PRDM10: variants seen among roughly 807,000 people sequenced by gnomAD.
The protein encoded by PRDM10 is PR domain zinc finger protein 10.
Under a neutral mutation model 133.1 loss-of-function variants are expected in PRDM10, and 65 were observed. The ratio of observed to expected loss-of-function variants is 0.49; its 90% CI spans 0.40 to 0.60. PRDM10 has a LOEUF of 0.60. PRDM10 is among the 20% of genes least tolerant of loss of function. The pLI, the probability that PRDM10 is intolerant of heterozygous loss-of-function variation, is 0.00. For missense variants in PRDM10, 1,137 were observed against 1,507.1 expected (o/e 0.75, Z 4.07); for synonymous variants, 582 against 580.4 (o/e 1.00, Z -0.04).
In PRDM10 at chr11:129,937,817, C is replaced by G. The variant is rs921020283; in HGVS notation, c.967-147G>C. ...AAAAAAAGATCATGCTGTGAGCTCC[C>G]CTTGCAATACCTTTCCAGCAGATCA... On this transcript the variant is annotated intron_variant, in intron 7 of 20. Transcript: ENST00000360871. 3 of 600,088 alleles carry G rather than the reference C, an allele frequency of 5.0e-6. No individual in the cohort carries two copies. The East Asian group carries it at 9.0e-5, about 18-fold the overall frequency. The allele number at this position is 600,088 out of a possible 1,614,324, so 37.2% of individuals were successfully genotyped here.
At chr11:129,948,184 G>A in intron 4 of PRDM10, 1 of 428,582 alleles carries the variant, frequency 2.3e-6, no homozygotes, top group Admixed American at 2.6e-5. Context: ...AAATAAAAAT[G>A]GTACCTTAAA....
intron 4 of PRDM10, among the ~76,000 whole-genome samples, chr11:129,953,077 G>T (rs527753774): frequency 6.6e-6 from 1 of 151,850 alleles, no homozygotes; most frequent in African/African-American, 2.4e-5. Flanking sequence ...AGGTTCAAGC[G>T]ATTCTCCTGC....
intron 1 of PRDM10, among the ~76,000 whole-genome samples, chr11:129,986,454 T>G (rs1050543499): frequency 2.6e-5 from 4 of 152,180 alleles, no homozygotes; most frequent in Non-Finnish European, 5.9e-5. Context: ...AGTGACACAG[T>G]CTTGGCTCAC....
chr11:129,925,187 G>C lies in PRDM10; in HGVS notation c.1573C>G (p.Pro525Ala). 3 of 1,613,492 alleles carry C rather than the reference G, an allele frequency of 1.9e-6. No individual in the cohort carries two copies. Among genetic ancestry groups the C allele is most frequent in the Non-Finnish European group, 2.5e-6 (3 of 1,179,790 alleles). The change falls in exon 12 of 21, where the codon CCT becomes GCT. Residue 525 changes from proline to alanine, a missense_variant. This residue lies in a region of PRDM10 where 635 missense variants were observed against 835.2 expected (regional missense o/e 0.76). Transcript: ENST00000360871. ...QHLFIRKSFR[P>A]FKCLQCGKAF... ...TTCCCACACTGCAAGCATTTAAAAG[G>C]CCGGAAGGACTTCCGAATAAACAGA...
intron 1 of PRDM10, among the ~76,000 whole-genome samples, chr11:129,991,406 G>T (rs1421654598): frequency 6.6e-6 from 1 of 152,174 alleles, no homozygotes; most frequent in African/African-American, 2.4e-5. Flanking sequence ...ATTAGCAGCT[G>T]GGCGCAGTGG....
chr11:129,920,891 G>A (rs1347903828), intron 13 of PRDM10, among the ~76,000 whole-genome samples: 6 of 151,940 alleles, frequency 3.9e-5, no homozygotes, highest in South Asian at 2.1e-4. Context: ...TCCGCCTCCC[G>A]GGTTCAAGTG....
At chr11:129,924,743 G>A in intron 12 of PRDM10, 139 bp downstream of exon 12, 2 of 719,874 alleles carry the variant, frequency 2.8e-6, no homozygotes, top group South Asian at 3.8e-5. Context: ...TTTGATTGAA[G>A]AAATATTGTT....
Position 129,902,219 on chromosome 11 carries a change from A to G in PRDM10, c.*94T>C. On this transcript the variant is annotated 3_prime_UTR_variant, in exon 21 of 21. Coordinates refer to ENST00000360871, the MANE Select transcript of PRDM10 (RefSeq NM_199437.2). ...GTGGTTTCCGAACTCTTGAGTGAAT[A>G]ATAAATCTTACAAAAGAGCTCTACG... The G allele has an allele frequency of 1.4e-6, 2 of 1,465,462 alleles. No homozygotes were observed. The highest frequency in any genetic ancestry group is 9.2e-7 in the Non-Finnish European group (1 of 1,081,990). The allele number at this position is 1,465,462 out of a possible 1,614,324, so 90.8% of individuals were successfully genotyped here. A position where few individuals can be genotyped will look rare whatever the true frequency, so the allele number is the denominator to read the frequency against.
At position 129,937,720 on chromosome 11, in the gene PRDM10, C is replaced by T. The variant is rs189931386; in HGVS notation, c.967-50G>A. ...AGAACTGGGGACATCACCAGATGTT[C>T]TTTGCATGCTTAAATTATTTCTCCT... On this transcript the variant is annotated intron_variant, in intron 7 of 20. Coordinates refer to ENST00000360871, the MANE Select transcript of PRDM10 (RefSeq NM_199437.2). 293 of 1,478,912 alleles carry T rather than the reference C, an allele frequency of 2.0e-4. 4 individuals are homozygous for T. In the East Asian group the frequency reaches 5.7e-3, roughly 29 times the overall value. 91.6% of individuals were successfully genotyped at this position (1,478,912 alleles called of 1,614,324 possible). A position where few individuals can be genotyped will look rare whatever the true frequency, so the allele number is the denominator to read the frequency against.
At position 129,902,516 on chromosome 11, in the gene PRDM10, C is replaced by G; in HGVS notation, c.3268G>C (p.Gly1090Arg). Reference sequence around the variant, plus strand: ...TGACTTTCTGATAACACATAATGACCCTAGAGGAAGAAGAAAAGGATCCTT... The same window carrying G: ...TGACTTTCTGATAACACATAATGACGCTAGAGGAAGAAGAAAAGGATCCTT... ...TTGQVKAVTS[G>R]HYVLSESQSE... Residue 1090 changes from glycine (G) to arginine (R), a missense_variant and splice_region_variant, in exon 21 of 21, where the codon GGT (glycine) becomes CGT (arginine). Gly to Arg is a moderately radical substitution (Grantham distance 125). Transcript: ENST00000360871. The G allele has an allele frequency of 6.2e-7, 1 of 1,612,798 alleles. No homozygotes were observed. The highest frequency in any genetic ancestry group is 8.5e-7 in the Non-Finnish European group (1 of 1,179,396).
At position 129,947,458 on chromosome 11, in the gene PRDM10, G is replaced by A. The variant is rs767429510; in HGVS notation, c.295-88C>T. 94 of 1,579,914 alleles carry A rather than the reference G, an allele frequency of 5.9e-5. No homozygotes were observed. In the Middle Eastern group the frequency reaches 1.0e-3, roughly 17 times the overall value. ...CCTGCTGGCACAAACAGGGCGCAAG[G>A]GCTGGCTGAAATCTAGTCTTCCTAC... On this transcript the variant is annotated intron_variant, in intron 4 of 20. Transcript: ENST00000360871. The surrounding 1 kb of genome is among the most constrained non-coding windows in gnomAD (Gnocchi z 4.6).
At chr11:129,997,617 T>C (rs1939133145) in intron 1 of PRDM10, among the ~76,000 whole-genome samples, 1 of 150,240 alleles carries the variant, frequency 6.7e-6, no homozygotes. Flanking sequence ...GTTCTCAATT[T>C]CAGGTTTCTC....
chr11:129,931,384 A>T, intron 10 of PRDM10, 126 bp from the exon 11 acceptor site: 1 of 1,300,126 alleles, frequency 7.7e-7, no homozygotes, highest in Non-Finnish European at 1.0e-6. Context: ...TCCCTCTGGG[A>T]AAGTTAATTA....
At chr11:129,941,061 G>A (rs1951189346) in intron 7 of PRDM10, among the ~76,000 whole-genome samples, 1 of 152,052 alleles carries the variant, frequency 6.6e-6, no homozygotes, top group African/African-American at 2.4e-5. Flanking sequence ...TTTCTTTGGG[G>A]TTTATGGATT....
At chr11:129,937,101 C>T (rs148018009) in intron 8 of PRDM10, among the ~76,000 whole-genome samples, 28 of 152,274 alleles carry the variant, frequency 1.8e-4, no homozygotes, top group African/African-American at 5.8e-4. Flanking sequence ...GAGAGAGTTA[C>T]GCTTGGGAGT....
Position 129,914,969 on chromosome 11 carries a change from A to C in PRDM10, c.2576T>G (p.Leu859Arg). Residue 859 changes from leucine to arginine, a missense_variant, in exon 17 of 21, where the codon CTC becomes CGC. Coordinates refer to ENST00000360871, the MANE Select transcript of PRDM10 (RefSeq NM_199437.2). ...IRKKHPEFAQ[L>R]SNTIHTPLTT... ...CAGTGGTGTGTGTATGGTGTTGGAG[A>C]GCTGGGCGAACTCTGGATGCTTCTT... is the stretch of plus-strand genomic sequence containing the variant. 6.2e-7 allele frequency: 1 copy of C among 1,609,994 alleles called. No individual in the cohort carries two copies.
At chr11:129,977,731 G>C (rs1010078736) in intron 1 of PRDM10, among the ~76,000 whole-genome samples, 2 of 152,174 alleles carry the variant, frequency 1.3e-5, no homozygotes, top group African/African-American at 4.8e-5. Flanking sequence ...GAGGAGGGTG[G>C]ATGACTTGAG....
At chr11:129,912,438 C>T (rs530961292) in intron 17 of PRDM10, among the ~76,000 whole-genome samples, 1 of 152,192 alleles carries the variant, frequency 6.6e-6, no homozygotes, top group East Asian at 1.9e-4. Flanking sequence ...AACCCTGTCT[C>T]TACAAAAAAT....
intron 12 of PRDM10, 105 bp downstream of exon 12, chr11:129,924,777 G>A (rs1171263987): frequency 8.3e-6 from 8 of 958,758 alleles, no homozygotes; most frequent in African/African-American, 1.6e-5. Context: ...TTGTTTCAAA[G>A]AAGGGATGGA....
Sources: gnomAD v4.1 joint callset for allele counts (sites outside exome capture counted in the v4.1 genomes callset) on GRCh38, gnomAD v4.1.1 for gene constraint, gnomAD v4.1.1 regional missense constraint, Gnocchi (gnomAD v3.1) non-coding constraint, MANE v1.5 for transcripts, NCBI Gene and HGNC (gene_info 2026-07-23, HGNC 2026-07-21) for gene names.